PGBD2: variants seen among roughly 807,000 people sequenced by gnomAD.
PGBD2 encodes piggyBac transposable element-derived protein 2.
In PGBD2, 6 loss-of-function variants were observed where a neutral mutation model predicts 8.1. That is an observed-to-expected ratio of 0.74 (90% CI 0.40 to 1.46). PGBD2 has a LOEUF of 1.46. Ranked by LOEUF, PGBD2 falls within the 40% of genes most tolerant of loss-of-function variation. PGBD2 has a pLI of 0.02. For synonymous variants in PGBD2, 318 were observed against 272.2 expected (o/e 1.17, Z -1.66); for missense variants, 802 against 739.0 (o/e 1.09, Z -0.99).
the PGBD2 span, among the ~76,000 whole-genome samples, chr1:248,886,033 A>T: frequency 6.7e-6 from 1 of 149,132 alleles, no homozygotes; most frequent in Non-Finnish European, 1.5e-5. Flanking sequence ...ATCATGAATG[A>T]AAAAAAAAAT....
the PGBD2 span, among the ~76,000 whole-genome samples, chr1:248,927,815 T>C: frequency 1.2e-4 from 18 of 152,144 alleles, no homozygotes; most frequent in African/African-American, 4.3e-4. Flanking sequence ...GAAAAAATAC[T>C]AGTAAATAGA....
At chr1:248,893,145 C>T in the PGBD2 span, among the ~76,000 whole-genome samples, 1 of 152,206 alleles carries the variant, frequency 6.6e-6, no homozygotes, top group Admixed American at 6.5e-5. Context: ...GGTGCATACT[C>T]ATGTTACCAT....
chr1:248,911,472 G>T (rs560745731), intron 1 of PGBD2, among the ~76,000 whole-genome samples: 22 of 148,092 alleles, frequency 1.5e-4, no homozygotes, highest in Admixed American at 5.3e-4. Flanking sequence ...GGCAGAAGAA[G>T]TTTTCTTAGT....
In PGBD2 at chr1:248,917,494, G is replaced by C; in HGVS notation, c.910G>C (p.Gly304Arg). 2.5e-6 allele frequency: 4 copies of C among 1,614,150 alleles called. No homozygotes were observed. The highest frequency in any genetic ancestry group is 3.4e-6 in the Non-Finnish European group (4 of 1,180,022). The change falls in exon 3 of 3, where the codon GGC becomes CGC. Residue 304 changes from glycine (G) to arginine (R), a missense_variant. Gly to Arg is a moderately radical substitution (Grantham distance 125, BLOSUM62 -2). Transcript: ENST00000329291. ...YKIWCGTTSR[G>R]YLVWFEPSQG... ...GATTTGGTGTGGGACAACCAGCAGAGGCTACTTGGTGTGGTTTGAGCCCTC... is the reference window on the plus strand; with the variant it reads ...GATTTGGTGTGGGACAACCAGCAGACGCTACTTGGTGTGGTTTGAGCCCTC...
chr1:248,891,346 G>A, the PGBD2 span, among the ~76,000 whole-genome samples: 1 of 152,122 alleles, frequency 6.6e-6, no homozygotes, highest in Non-Finnish European at 1.5e-5. Context: ...TGAGGACAGT[G>A]TAGACTGGCT....
the PGBD2 span, among the ~76,000 whole-genome samples, chr1:248,878,447 G>A: frequency 6.6e-6 from 1 of 152,182 alleles, no homozygotes; most frequent in Admixed American, 6.5e-5. Flanking sequence ...AAAGTGCTGG[G>A]ATAACAGGCG....
the PGBD2 span, among the ~76,000 whole-genome samples, chr1:248,928,387 A>G: frequency 1.3e-5 from 2 of 152,122 alleles, no homozygotes; most frequent in Admixed American, 6.5e-5. Context: ...CCCCTCTCCC[A>G]TGCTGTGAAT....
the PGBD2 span, among the ~76,000 whole-genome samples, chr1:248,892,322 T>C: frequency 1.8e-4 from 26 of 146,186 alleles, 1 homozygote; most frequent in African/African-American, 6.3e-4. Context: ...TTTCCTTTCT[T>C]CCTTTTACTT....
the PGBD2 span, among the ~76,000 whole-genome samples, chr1:248,888,678 T>C: frequency 6.6e-6 from 1 of 151,898 alleles, no homozygotes; most frequent in Non-Finnish European, 1.5e-5. Context: ...TTTTCTCCCA[T>C]TCTGTAGGTT....
In PGBD2 at chr1:248,918,348, G is replaced by A; in HGVS notation, c.1764G>A (p.Glu588=). Reference sequence around the variant, plus strand: ...GTGTCCATGCCAAATGCTTCAGGGAGTACCACATCCGGTGACATCATGAGA... The same window carrying A: ...GTGTCCATGCCAAATGCTTCAGGGAATACCACATCCGGTGACATCATGAGA... The part of the protein sequence containing the change: ...QKGVHAKCFR[E]YHIR The change falls in exon 3 of 3, where the codon GAG becomes GAA. Residue 588 remains glutamate (E), a synonymous_variant. Coordinates refer to ENST00000329291, the MANE Select transcript of PGBD2 (RefSeq NM_170725.3). 2.6e-6 allele frequency: 4 copies of A among 1,555,074 alleles called. No homozygotes were observed. Among genetic ancestry groups the A allele is most frequent in the Non-Finnish European group, 3.5e-6 (4 of 1,151,518 alleles).
At chr1:248,873,892 G>A in the PGBD2 span, among the ~76,000 whole-genome samples, 2 of 152,354 alleles carry the variant, frequency 1.3e-5, no homozygotes, top group African/African-American at 2.4e-5. Context: ...CCAGACTCAA[G>A]GTAAGCACCT....
At chr1:248,892,710 A>G in the PGBD2 span, among the ~76,000 whole-genome samples, 1 of 152,188 alleles carries the variant, frequency 6.6e-6, no homozygotes, top group African/African-American at 2.4e-5. Flanking sequence ...CCTGCCTGAT[A>G]AAAGTGTTTT....
the PGBD2 span, among the ~76,000 whole-genome samples, chr1:248,894,274 TG>T: frequency 1.6e-4 from 25 of 152,266 alleles, no homozygotes; most frequent in African/African-American, 5.5e-4. Flanking sequence ...TGTCTATTTT[TG>T]GGTTTTTTTT....
chr1:248,890,501 T>C, the PGBD2 span, among the ~76,000 whole-genome samples: 1 of 152,096 alleles, frequency 6.6e-6, no homozygotes, highest in Non-Finnish European at 1.5e-5. Context: ...CTCCTGACTA[T>C]TCTACACAAA....
At chr1:248,891,876 A>G in the PGBD2 span, among the ~76,000 whole-genome samples, 2 of 152,262 alleles carry the variant, frequency 1.3e-5, no homozygotes, top group Non-Finnish European at 2.9e-5. Context: ...TCTTGTAAAT[A>G]AAGTCTTTAT....
At chr1:248,920,942 C>T (rs1662273674), downstream of PGBD2, among the ~76,000 whole-genome samples, 1 of 149,688 alleles carries the variant, frequency 6.7e-6, no homozygotes, top group Admixed American at 6.6e-5. Flanking sequence ...TAAATGTCTT[C>T]TTTTGAGAAG....
At chr1:248,906,428 G>T (rs1416420345) in intron 1 of PGBD2, 86 bp downstream of exon 1, 2 of 152,090 alleles carry the variant, frequency 1.3e-5, no homozygotes, top group African/African-American at 4.8e-5. Flanking sequence ...TCTCAACGGC[G>T]GCATCCGAGG....
At chr1:248,914,572 G>A (rs1337871702) in intron 2 of PGBD2, 2 of 1,289,082 alleles carry the variant, frequency 1.6e-6, no homozygotes, top group Non-Finnish European at 2.0e-6. Flanking sequence ...CTGTACTGAT[G>A]CAGCTTCTGT....
chr1:248,881,789 C>T, the PGBD2 span, among the ~76,000 whole-genome samples: 3 of 152,118 alleles, frequency 2.0e-5, no homozygotes, highest in African/African-American at 4.8e-5. Context: ...TTCTTTAAGT[C>T]CTTCCTTTAA....
Sources: gnomAD v4.1 joint callset for allele counts (sites outside exome capture counted in the v4.1 genomes callset) on GRCh38, gnomAD v4.1.1 for gene constraint, MANE v1.5 for transcripts, NCBI Gene and HGNC (gene_info 2026-07-23, HGNC 2026-07-21) for gene names.